The following KAZN variants were observed in gnomAD, a reference collection of about 807,000 sequenced individuals.
The protein encoded by KAZN is kazrin, periplakin interacting protein, also known as kazrin.
KAZN carries 40 observed loss-of-function variants against 87.4 expected under a neutral mutation model. The ratio of observed to expected loss-of-function variants is 0.46; its 90% CI spans 0.36 to 0.60. The LOEUF is 0.60. Among genes scored for constraint, KAZN ranks in the 20% least tolerant of loss-of-function variants. The probability of loss-of-function intolerance (pLI) is 0.00; values close to 1 mark genes in which losing one functional copy is unlikely to be tolerated. For missense variants in KAZN, 898 were observed against 1,073.9 expected (o/e 0.84, Z 2.29); for synonymous variants, 466 against 458.3 (o/e 1.02, Z -0.22).
At chr1:15,065,794 G>C (rs1200054255) in intron 8 of KAZN, 41 bp downstream of exon 8, 2 of 1,606,928 alleles carry the variant, frequency 1.2e-6, no homozygotes, top group Non-Finnish European at 1.7e-6. Context: ...ACGCGGACTG[G>C]TGATACGCGC....
At chr1:14,203,371 G>A (rs1490287032) in intron 2 of KAZN, among the ~76,000 whole-genome samples, 2 of 152,130 alleles carry the variant, frequency 1.3e-5, no homozygotes, top group African/African-American at 4.8e-5. Context: ...CCACGAGTGT[G>A]TACTTAGGAC....
At chr1:14,648,452 T>G (rs1033273534) in intron 1 of KAZN, among the ~76,000 whole-genome samples, 7 of 150,340 alleles carry the variant, frequency 4.7e-5, no homozygotes, top group Non-Finnish European at 7.5e-5. Context: ...ACCACAAGTG[T>G]TTTTTTTTAA....
At chr1:13,894,235 C>A (rs147668532) in intron 1 of KAZN, among the ~76,000 whole-genome samples, 1 of 152,188 alleles carries the variant, frequency 6.6e-6, no homozygotes, top group South Asian at 2.1e-4. Flanking sequence ...CTGCTCTGAG[C>A]AGCCTCTCCC....
At position 14,136,415 on chromosome 1, in the gene KAZN, A is replaced by G. The variant is rs139325392; in HGVS notation, c.92-44020A>G. On this transcript the variant is annotated intron_variant, in intron 1 of 16. Transcript: ENST00000636203. ...AGGTATTGTGTGGAAAGCTTCATAA[A>G]GTGCTTAACCCAGAGCCTGGCACTT... Among the ~76,000 whole-genome samples the G allele has an allele frequency of 3.9e-5, 6 of 152,296 alleles. No homozygotes were observed. The East Asian group carries it at 9.7e-4, about 25-fold the overall frequency.
chr1:14,561,741 T>C (rs1674266942), intron 2 of KAZN, among the ~76,000 whole-genome samples: 1 of 151,850 alleles, frequency 6.6e-6, no homozygotes, highest in African/African-American at 2.4e-5. Flanking sequence ...CCATCTCTAC[T>C]AAAAATACAA....
chr1:14,283,074 T>A (rs1486535777), intron 2 of KAZN, among the ~76,000 whole-genome samples: 3 of 152,204 alleles, frequency 2.0e-5, no homozygotes, highest in Non-Finnish European at 4.4e-5. Flanking sequence ...AAACCACAAT[T>A]AGCAGTATTA....
intron 1 of KAZN, among the ~76,000 whole-genome samples, chr1:14,726,529 C>T (rs1572331544): frequency 6.6e-6 from 1 of 152,200 alleles, no homozygotes; most frequent in Non-Finnish European, 1.5e-5. Flanking sequence ...CCAAAGTCAT[C>T]CTTCCTCGAG....
chr1:15,095,487 C>T (rs938175185), intron 10 of KAZN, among the ~76,000 whole-genome samples: 3 of 152,026 alleles, frequency 2.0e-5, no homozygotes, highest in Admixed American at 2.0e-4. Flanking sequence ...GCCACCCACC[C>T]CCACCGCTCA....
At chr1:14,008,590 G>A (rs530578428) in intron 1 of KAZN, among the ~76,000 whole-genome samples, 1 of 152,330 alleles carries the variant, frequency 6.6e-6, no homozygotes, top group Admixed American at 6.5e-5. Flanking sequence ...ATAAAGTTCA[G>A]TGGGATGGGC....
intron 8 of KAZN, among the ~76,000 whole-genome samples, chr1:15,080,118 C>CT (rs1283686525): frequency 6.6e-6 from 1 of 152,038 alleles, no homozygotes; most frequent in African/African-American, 2.4e-5. Flanking sequence ...GCAGGAGGGA[C>CT]TGAAGGAGGA....
intron 2 of KAZN, among the ~76,000 whole-genome samples, chr1:14,199,195 A>G (rs1237276966): frequency 6.6e-6 from 1 of 152,190 alleles, no homozygotes; most frequent in Non-Finnish European, 1.5e-5. Flanking sequence ...ACTCTCCTCC[A>G]TGACTTCTAA....
intron 1 of KAZN, among the ~76,000 whole-genome samples, chr1:14,796,891 A>G (rs892093020): frequency 2.0e-5 from 3 of 152,184 alleles, no homozygotes; most frequent in Non-Finnish European, 4.4e-5. Context: ...ACCTGAGTCC[A>G]CTCAGTGGTG....
At chr1:14,694,658 G>A (rs1641500188) in intron 1 of KAZN, among the ~76,000 whole-genome samples, 1 of 152,186 alleles carries the variant, frequency 6.6e-6, no homozygotes, top group Non-Finnish European at 1.5e-5. Flanking sequence ...TAGATCATCT[G>A]GGCTTTGAAG....
At chr1:14,917,733 C>T (rs975466955) in intron 1 of KAZN, among the ~76,000 whole-genome samples, 3 of 152,286 alleles carry the variant, frequency 2.0e-5, no homozygotes, top group Middle Eastern at 3.4e-3. Context: ...GACTGTGTCC[C>T]CAACTCACTG....
At chr1:14,857,835 TA>T (rs1650309328) in intron 1 of KAZN, among the ~76,000 whole-genome samples, 1 of 54,024 alleles carries the variant, frequency 1.9e-5, no homozygotes, top group Non-Finnish European at 3.7e-5. Flanking sequence ...TCTTGAGATA[TA>T]GTTCATATAC....
chr1:14,333,665 T>C (rs898288271), intron 2 of KAZN, among the ~76,000 whole-genome samples: 3 of 152,098 alleles, frequency 2.0e-5, no homozygotes, highest in Non-Finnish European at 4.4e-5. Context: ...TTCGTGGTAA[T>C]GAGTGCTTGG....
At chr1:14,836,613 C>A (rs1647290728) in intron 1 of KAZN, among the ~76,000 whole-genome samples, 1 of 152,112 alleles carries the variant, frequency 6.6e-6, no homozygotes, top group South Asian at 2.1e-4. Context: ...TCTTGAGCAT[C>A]CCCGAGGCCT....
chr1:14,501,400 A>G (rs1318096476), intron 2 of KAZN, among the ~76,000 whole-genome samples: 3 of 152,204 alleles, frequency 2.0e-5, no homozygotes, highest in African/African-American at 7.2e-5. Flanking sequence ...GAATTAACAA[A>G]TAAGTTCAAC....
At chr1:14,906,468 C>T (rs971032214) in intron 1 of KAZN, among the ~76,000 whole-genome samples, 2 of 151,960 alleles carry the variant, frequency 1.3e-5, no homozygotes, top group African/African-American at 2.4e-5. Context: ...GGAAGTTAGC[C>T]TGGGAATCGA....
Sources: gnomAD v4.1 joint callset for allele counts (sites outside exome capture counted in the v4.1 genomes callset) on GRCh38, gnomAD v4.1.1 for gene constraint, MANE v1.5 for transcripts, NCBI Gene and HGNC (gene_info 2026-07-23, HGNC 2026-07-21) for gene names.